MUC4: variants seen among roughly 807,000 people sequenced by gnomAD.
The protein encoded by MUC4 is mucin-4.
In MUC4, 202 loss-of-function variants were observed where a neutral mutation model predicts 257.9. That is an observed-to-expected ratio of 0.78 (90% CI 0.70 to 0.88). MUC4 has a LOEUF of 0.88. Ranked by LOEUF, MUC4 falls within the 40% of genes least tolerant of loss-of-function variation. MUC4 has a pLI of 0.00. For missense variants in MUC4, 5,976 were observed against 6,513.7 expected (o/e 0.92, Z 2.84); for synonymous variants, 2,351 against 2,757.1 (o/e 0.85, Z 4.62).
rs1174084757 is a variant in MUC4, at chr3:195,749,055, C to T, written c.15881G>A (p.Ser5294Asn). Residue 5294 changes from serine (S) to asparagine (N), a missense_variant, in exon 24 of 25, where the codon AGC becomes AAC. By Grantham distance (46) the Ser-to-Asn change is conservative (BLOSUM62 1). This residue lies in a region of MUC4 where 310 missense variants were observed against 242.1 expected (regional missense o/e 1.28). Transcript: ENST00000463781. ...GCATCTGAAGTAAGCCTTCAGCGTG[C>T]TCACGTTCACTGTCGGGAAGGACAC... is the stretch of plus-strand genomic sequence containing the variant. ...DVRDVTALNV[S>N]TLKAYFRCDG... 4 of 1,607,072 alleles carry T rather than the reference C, an allele frequency of 2.5e-6. No homozygotes were observed. Among genetic ancestry groups the T allele is most frequent in the East Asian group, 2.2e-5 (1 of 44,656 alleles).
At position 195,747,419 on chromosome 3, in the gene MUC4, G is replaced by A. The variant is rs1475026056; in HGVS notation, c.16035-39C>T. 8.8e-6 allele frequency: 14 copies of A among 1,597,270 alleles called. No homozygotes were observed. The East Asian group carries it at 2.7e-4, about 31-fold the overall frequency. On this transcript the variant is annotated intron_variant, in intron 24 of 24. Coordinates refer to ENST00000463781, the MANE Select transcript of MUC4 (RefSeq NM_018406.7). ...GAGACAGACAGGCGGTCAGAGGCGG[G>A]AGCTCAGCCTCCCAGCCCCTCCTCT...
chr3:195,799,237 G>A (rs1282805299), intron 1 of MUC4, among the ~76,000 whole-genome samples: 1 of 93,580 alleles, frequency 1.1e-5, no homozygotes, highest in Non-Finnish European at 2.6e-5. Flanking sequence ...CACTGTGTGT[G>A]TGTGTGTGTG....
chr3:195,802,201 C>T (rs1354351171), intron 1 of MUC4, among the ~76,000 whole-genome samples: 4 of 152,208 alleles, frequency 2.6e-5, no homozygotes, highest in Non-Finnish European at 5.9e-5. Flanking sequence ...GACATCCAGC[C>T]CAGAAAGCTG....
At chr3:195,752,521 C>G (rs1199673778) in intron 20 of MUC4, 75 bp from the exon 21 acceptor site, 3 of 1,267,228 alleles carry the variant, frequency 2.4e-6, no homozygotes, top group Non-Finnish European at 3.5e-6. Context: ...GTCGGGCCAG[C>G]CCAAGTTGAC....
chr3:195,773,140 C>T (rs1158843299), intron 4 of MUC4, among the ~76,000 whole-genome samples: 4 of 149,862 alleles, frequency 2.7e-5, no homozygotes, highest in South Asian at 4.3e-4. Flanking sequence ...CCCTCTCCAT[C>T]GCTCAGGGGT....
rs1730332603 is a variant in MUC4 at position 195,784,503 on chromosome 3, G to C, written c.7077C>G (p.Ser2359=). The change falls in exon 2 of 25, where the codon TCC becomes TCG. Residue 2359 remains serine (S), a synonymous_variant. Transcript: ENST00000463781. ...GGGTGGTGTCACCTGTGGATACTGA[G>C]GAAGCGTCGGTGACATGAAGAGGGG... ...HATPLHVTDA[S]SVSTGDTTPL... 1 of 1,541,562 alleles carries C rather than the reference G, an allele frequency of 6.5e-7. No homozygotes were observed. The highest frequency in any genetic ancestry group is 1.4e-5 in the African/African-American group (1 of 69,806).
intron 7 of MUC4, among the ~76,000 whole-genome samples, chr3:195,767,528 T>TCACCACCAC (rs1472909855): frequency 3.6e-5 from 1 of 28,078 alleles, no homozygotes; most frequent in Non-Finnish European, 8.2e-5. Flanking sequence ...ACCACCACCA[T>TCACCACCAC]CGCCACCACC....
At position 195,789,364 on chromosome 3, in the gene MUC4, G is replaced by T; in HGVS notation, c.2216C>A (p.Thr739Asn). 8 of 1,613,952 alleles carry T rather than the reference G, an allele frequency of 5.0e-6. No individual in the cohort carries two copies. Among genetic ancestry groups the T allele is most frequent in the Non-Finnish European group, 6.8e-6 (8 of 1,179,882 alleles). The change falls in exon 2 of 25, where the codon ACT (threonine) becomes AAT (asparagine). Residue 739 changes from threonine to asparagine, a missense_variant. Coordinates refer to ENST00000463781, the MANE Select transcript of MUC4 (RefSeq NM_018406.7). ...GTSLSKTGAL[T>N]LANSVVSTPG... ...TGTTGACACTACAGAGTTGGCCAGA[G>T]TAAGGGCACCTGTTTTGGAAAGTGA... is the stretch of plus-strand genomic sequence containing the variant.
At position 195,788,299 on chromosome 3, in the gene MUC4, G is replaced by A. The variant is rs1248252302; in HGVS notation, c.3281C>T (p.Thr1094Ile). 6.5e-7 allele frequency: 1 copy of A among 1,547,790 alleles called. No homozygotes were observed. The change falls in exon 2 of 25, where the codon ACT (threonine) becomes ATT (isoleucine). Residue 1094 changes from threonine (T) to isoleucine (I), a missense_variant. Transcript: ENST00000463781. ...GGCGTGACCTGTGGATGCTGAGGAA[G>A]TGTCAGTGACAGGAAGAGGGGTGGT... ...GDTTPLPVTD[T>I]SSASTGHATS...
Position 195,787,883 on chromosome 3 carries a change from G to C in MUC4, c.3697C>G (p.Leu1233Val). The change falls in exon 2 of 25, where the codon CTT becomes GTT. Residue 1233 changes from leucine to valine, a missense_variant. Physicochemically the swap from Leu to Val is conservative, Grantham distance 32. This residue lies in a region of MUC4 where 90 missense variants were observed against 106.2 expected (regional missense o/e 0.85). Coordinates refer to ENST00000463781, the MANE Select transcript of MUC4 (RefSeq NM_018406.7). ...SSVSTDHATS[L>V]PVTIPSAAST... ...GCTGCGGAAGGGATGGTTACAGGAA[G>C]AGAGGTGGCGTGATCTGTGGACACT... 5.0e-6 allele frequency: 3 copies of C among 594,944 alleles called. No homozygotes were observed. Among genetic ancestry groups the C allele is most frequent in the Non-Finnish European group, 7.8e-6 (3 of 386,050 alleles). 36.9% of individuals were successfully genotyped at this position (594,944 alleles called of 1,614,324 possible). A position where few individuals can be genotyped will look rare whatever the true frequency, so the allele number is the denominator to read the frequency against.
At position 195,778,770 on chromosome 3, in the gene MUC4, G is replaced by A. The variant is rs760160541; in HGVS notation, c.12790+20C>T. The A allele has an allele frequency of 1.5e-5, 24 of 1,594,094 alleles. No homozygotes were observed. Among genetic ancestry groups the A allele is most frequent in the South Asian group, 1.2e-4 (11 of 88,406 alleles). ...AAGGGGCCCACTGGGAGACATAAAG[G>A]CGAGGCAGTTGGCAGCTACCTGGTG... On this transcript the variant is annotated intron_variant, in intron 2 of 24. Coordinates refer to ENST00000463781, the MANE Select transcript of MUC4 (RefSeq NM_018406.7).
At chr3:195,764,572 T>G (rs1185892140) in intron 10 of MUC4, among the ~76,000 whole-genome samples, 1 of 151,834 alleles carries the variant, frequency 6.6e-6, no homozygotes, top group African/African-American at 2.4e-5. Flanking sequence ...CTGGGAACTG[T>G]GGAAACTGCC....
chr3:195,797,573 A>G (rs966431369), intron 1 of MUC4, among the ~76,000 whole-genome samples: 12 of 152,362 alleles, frequency 7.9e-5, no homozygotes, highest in Admixed American at 2.6e-4. Context: ...TAAAATCAGG[A>G]ATAAAAACAA....
chr3:195,794,108 A>AT (rs56338326), intron 1 of MUC4, among the ~76,000 whole-genome samples: 40,787 of 125,052 alleles, frequency 0.33, 6,027 homozygotes, highest in African/African-American at 0.37. Context: ...AATAATAATA[A>AT]AAATAGATAT....
intron 10 of MUC4, 71 bp from the exon 11 acceptor site, chr3:195,764,235 T>C (rs1719898380): frequency 1.4e-6 from 2 of 1,458,982 alleles, no homozygotes; most frequent in African/African-American, 1.6e-5. Context: ...GTGGTGTTGG[T>C]TGAGAGCTTG....
At position 195,789,130 on chromosome 3, in the gene MUC4, C is replaced by T. The variant is rs933515989; in HGVS notation, c.2450G>A (p.Gly817Glu). ...TCCTGAGGTGGATATTCCTTCGCTTCCTGAAGGTGTTGTGCCACTCGCCCC... is the reference window on the plus strand; with the variant it reads ...TCCTGAGGTGGATATTCCTTCGCTTTCTGAAGGTGTTGTGCCACTCGCCCC... ...SSGASGTTPS[G>E]SEGISTSGET... Residue 817 changes from glycine to glutamate, a missense_variant, in exon 2 of 25, where the codon GGA (glycine) becomes GAA (glutamate). Physicochemically the swap from Gly to Glu is moderately conservative, Grantham distance 98. Coordinates refer to ENST00000463781, the MANE Select transcript of MUC4 (RefSeq NM_018406.7). The T allele has an allele frequency of 2.5e-6, 4 of 1,613,456 alleles. No homozygotes were observed. The highest frequency in any genetic ancestry group is 1.3e-5 in the African/African-American group (1 of 74,818).
rs1347217517 is a variant in MUC4, at chr3:195,778,416, CG to C, written c.12829del (p.Arg4277AlafsTer150). On this transcript the variant is annotated frameshift_variant, in exon 3 of 25. Coordinates refer to ENST00000463781, the MANE Select transcript of MUC4 (RefSeq NM_018406.7). LOFTEE classifies it high-confidence loss of function. ...TPSLKTDGGR[R>X]TATSPPPTTS... ...TGTGGGGGGTGGTGATGTGGCTGTG[CG>C]TCTCCCACCGTCTGTCTTCAGTGAC... 1 of 1,612,638 alleles carries C rather than the reference CG, an allele frequency of 6.2e-7. No individual in the cohort carries two copies. The highest frequency in any genetic ancestry group is 8.5e-7 in the Non-Finnish European group (1 of 1,179,786).
At chr3:195,767,474 T>TCACCATCACCACCAC (rs1560260489) in intron 7 of MUC4, among the ~76,000 whole-genome samples, 38 of 49,756 alleles carry the variant, frequency 7.6e-4, no homozygotes, top group Non-Finnish European at 1.6e-3. Context: ...ACCACCACCA[T>TCACCATCACCACCAC]CACCATCACC....
At position 195,759,278 on chromosome 3, in the gene MUC4, G is replaced by A. The variant is rs573555259; in HGVS notation, c.14849-17C>T. ...GGTACTGATCTGAAACACAAAGAGG[G>A]AATGGGGGTTCCGAGGCAGGACAGT... On this transcript the variant is annotated splice_polypyrimidine_tract_variant and intron_variant, in intron 16 of 24. Coordinates refer to ENST00000463781, the MANE Select transcript of MUC4 (RefSeq NM_018406.7). 70 of 1,612,882 alleles carry A rather than the reference G, an allele frequency of 4.3e-5. No individual in the cohort carries two copies. In the East Asian group the frequency reaches 1.4e-3, roughly 33 times the overall value.
Sources: allele counts gnomAD v4.1 joint callset (sites outside exome capture counted in the v4.1 genomes callset), GRCh38; gene constraint gnomAD v4.1.1; regional missense constraint gnomAD v4.1.1; transcripts MANE v1.5; gene names NCBI Gene and HGNC (gene_info 2026-07-23, HGNC 2026-07-21).